The following KCNN2 variants were observed in gnomAD, a reference collection of about 807,000 sequenced individuals.
KCNN2 encodes small conductance calcium-activated potassium channel protein 2.
A neutral mutation model predicts 55.5 loss-of-function variants in KCNN2; 24 were observed. The observed-to-expected ratio is 0.43, with a 90% CI of 0.31 to 0.61. KCNN2 has a LOEUF of 0.61. Among genes scored for constraint, KCNN2 ranks in the 20% least tolerant of loss-of-function variants. The pLI, the probability that KCNN2 is intolerant of heterozygous loss-of-function variation, is 0.08. For missense variants in KCNN2, 754 were observed against 853.6 expected, an observed-to-expected ratio of 0.88 and a Z score of 1.45; for synonymous variants, 431 against 336.1, an observed-to-expected ratio of 1.28 and a Z score of -3.09.
intron 1 of KCNN2, among the ~76,000 whole-genome samples, chr5:114,209,347 T>C (rs1192990544): frequency 6.6e-6 from 1 of 152,064 alleles, no homozygotes; most frequent in Non-Finnish European, 1.5e-5. Context: ...ATGTCACTAT[T>C]CCTTTAAATT....
intron 3 of KCNN2, among the ~76,000 whole-genome samples, chr5:114,446,345 T>C (rs1206398582): frequency 1.3e-5 from 2 of 152,222 alleles, no homozygotes; most frequent in African/African-American, 4.8e-5. Flanking sequence ...AATGGCTAAA[T>C]TGAAATAGCC....
chr5:114,373,640 T>TTTTTTATATATATATATATATATA (rs536849367), intron 2 of KCNN2, among the ~76,000 whole-genome samples: 2 of 56,710 alleles, frequency 3.5e-5, no homozygotes, highest in African/African-American at 1.1e-4. Context: ...TATGAAGATT[T>TTTTTTATATATATATATATATATA]TATATATATA....
chr5:114,494,872 A>T lies in KCNN2; in HGVS notation c.2089-1023A>T, dbSNP rs949124963. Among the ~76,000 whole-genome samples the T allele has an allele frequency of 3.3e-5, 5 of 152,170 alleles. No individual in the cohort carries two copies. The South Asian group carries it at 1.0e-3, about 31-fold the overall frequency. ...TGAATAATAACTCCCTTATCAGTTC[A>T]TTTACCATCTTTAAAAGATTGTTAA... is the stretch of plus-strand genomic sequence containing the variant. On this transcript the variant is annotated intron_variant, in intron 7 of 7. Transcript: ENST00000673685.
intron 1 of KCNN2, among the ~76,000 whole-genome samples, chr5:114,080,750 G>C (rs1200961780): frequency 6.6e-6 from 1 of 152,004 alleles, no homozygotes; most frequent in Non-Finnish European, 1.5e-5. Context: ...AAGACTAAAA[G>C]CTTTTCCCTT....
intron 3 of KCNN2, among the ~76,000 whole-genome samples, chr5:114,444,926 G>C (rs1031177780): frequency 6.6e-6 from 1 of 152,102 alleles, no homozygotes; most frequent in African/African-American, 2.4e-5. Flanking sequence ...ATTGCATCAA[G>C]TACAGTGATT....
Position 114,363,000 on chromosome 5 carries a change from C to T in KCNN2, c.861C>T (p.Asn287=), listed in dbSNP as rs1459727451. 9 of 1,595,590 alleles carry T rather than the reference C, an allele frequency of 5.6e-6. No homozygotes were observed. Among genetic ancestry groups the T allele is most frequent in the Admixed American group, 1.7e-5 (1 of 58,278 alleles). ...EIVVSKPEHN[N]SNNLALYGTG... is the part of the protein sequence containing the mutation. The stretch of plus-strand genomic sequence containing the variant: ...TGGTGTCTAAGCCCGAGCACAACAA[C>T]TCCAACAACCTGGCGCTCTATGGAA... Residue 287 remains asparagine, a synonymous_variant, in exon 1 of 8, where the codon AAC becomes AAT. Transcript: ENST00000673685.
At chr5:114,281,306 A>G (rs1289777478) in intron 2 of KCNN2, among the ~76,000 whole-genome samples, 1 of 152,158 alleles carries the variant, frequency 6.6e-6, no homozygotes, top group African/African-American at 2.4e-5. Flanking sequence ...GATATTCAAT[A>G]TATACTATTT....
intron 1 of KCNN2, among the ~76,000 whole-genome samples, chr5:114,178,218 C>G (rs142791540): frequency 1.3e-5 from 2 of 152,236 alleles, no homozygotes; most frequent in African/African-American, 4.8e-5. Context: ...ATTCTGACTT[C>G]TATAAAGGCT....
intron 2 of KCNN2, 57 bp from the exon 3 acceptor site, chr5:114,404,381 A>C (rs1758873770): frequency 5.0e-6 from 7 of 1,411,326 alleles, no homozygotes; most frequent in Non-Finnish European, 9.8e-7. Context: ...AATCTGCACT[A>C]ACACTTGTGG....
At chr5:114,074,304 G>GTT (rs1750639193) in intron 1 of KCNN2, among the ~76,000 whole-genome samples, 1 of 142,846 alleles carries the variant, frequency 7.0e-6, no homozygotes, top group African/African-American at 2.8e-5. Context: ...GTGTGTGTGT[G>GTT]TGTGTGTGTG....
intron 1 of KCNN2, among the ~76,000 whole-genome samples, chr5:114,212,041 T>C (rs1753897705): frequency 1.3e-5 from 2 of 151,782 alleles, no homozygotes; most frequent in African/African-American, 4.8e-5. Context: ...ATTAAATATA[T>C]GTTAAGTGTA....
chr5:114,182,570 G>A (rs1753260955), intron 1 of KCNN2, among the ~76,000 whole-genome samples: 1 of 151,942 alleles, frequency 6.6e-6, no homozygotes, highest in East Asian at 1.9e-4. Flanking sequence ...GTGGTTTTTA[G>A]TATAGAGGAT....
chr5:114,307,184 A>G (rs193150121), intron 2 of KCNN2, among the ~76,000 whole-genome samples: 92 of 152,256 alleles, frequency 6.0e-4, no homozygotes, highest in Non-Finnish European at 1.0e-3. Flanking sequence ...TTATGGTGTC[A>G]TTGGGTTATC....
At chr5:114,207,366 AG>A (rs1753797895) in intron 1 of KCNN2, among the ~76,000 whole-genome samples, 1 of 152,206 alleles carries the variant, frequency 6.6e-6, no homozygotes, top group African/African-American at 2.4e-5. Flanking sequence ...CATTTGTGAA[AG>A]GAAGAATAGA....
At chr5:114,213,945 A>G (rs1753941549) in intron 1 of KCNN2, among the ~76,000 whole-genome samples, 2 of 152,006 alleles carry the variant, frequency 1.3e-5, no homozygotes, top group Non-Finnish European at 2.9e-5. Flanking sequence ...AGTCCCCACA[A>G]CACTAACATT....
chr5:114,109,902 C>A (rs1580522168), intron 1 of KCNN2, among the ~76,000 whole-genome samples: 1 of 152,146 alleles, frequency 6.6e-6, no homozygotes, highest in East Asian at 1.9e-4. Flanking sequence ...AAAGCGGCCC[C>A]TCCAAATCTC....
At chr5:114,194,511 C>G (rs1033868178) in intron 1 of KCNN2, among the ~76,000 whole-genome samples, 2 of 151,940 alleles carry the variant, frequency 1.3e-5, no homozygotes, top group Non-Finnish European at 2.9e-5. Flanking sequence ...GGAGAAATGT[C>G]TATTCAGATT....
chr5:114,386,411 TA>T (rs1758289320), intron 2 of KCNN2, among the ~76,000 whole-genome samples: 1 of 152,164 alleles, frequency 6.6e-6, no homozygotes, highest in Non-Finnish European at 1.5e-5. Flanking sequence ...ATTGTTCAAT[TA>T]AATTTGATTG....
At chr5:114,485,975 T>A (rs1762420627) in intron 5 of KCNN2, among the ~76,000 whole-genome samples, 1 of 152,158 alleles carries the variant, frequency 6.6e-6, no homozygotes, top group Non-Finnish European at 1.5e-5. Context: ...ACATTCATTA[T>A]CTCTAACTTT....
Sources: allele counts gnomAD v4.1 joint callset (sites outside exome capture counted in the v4.1 genomes callset), GRCh38; gene constraint gnomAD v4.1.1; transcripts MANE v1.5; gene names NCBI Gene and HGNC (gene_info 2026-07-23, HGNC 2026-07-21).